NUP93: variants seen among roughly 807,000 people sequenced by gnomAD.
NUP93 encodes the protein nuclear pore complex protein Nup93.
In NUP93, 55 loss-of-function variants were observed where a neutral mutation model predicts 107.8. The ratio of observed to expected loss-of-function variants is 0.51; its 90% CI spans 0.41 to 0.64. The LOEUF (loss-of-function observed/expected upper bound fraction) is 0.64. NUP93 is among the 30% of genes least tolerant of loss of function. NUP93 has a pLI of 0.00. For synonymous variants in NUP93, 390 were observed against 397.5 expected (o/e 0.98, Z 0.22); for missense variants, 937 against 1,044.7 (o/e 0.90, Z 1.42).
At chr16:56,842,012 T>C (rs1170652273) in intron 21 of NUP93, among the ~76,000 whole-genome samples, 179 bp downstream of exon 21, 2 of 152,222 alleles carry the variant, frequency 1.3e-5, no homozygotes, top group Non-Finnish European at 2.9e-5. Context: ...GGATTGCTGC[T>C]CTTCTCAAGC....
chr16:56,820,093 T>G (rs546565705), intron 6 of NUP93, among the ~76,000 whole-genome samples: 3 of 152,308 alleles, frequency 2.0e-5, no homozygotes, highest in African/African-American at 7.2e-5. Flanking sequence ...AGAGAGACTA[T>G]GTGTCTTCTA....
Position 56,785,359 on chromosome 16 carries a change from T to G in NUP93, c.298-13117T>G, listed in dbSNP as rs145344152. ...GGAGAGACCCAGTTTCTTCCTGCTTTCTTTGCCTCCACCATGGTCTACTCA... is the reference window on the plus strand; with the variant it reads ...GGAGAGACCCAGTTTCTTCCTGCTTGCTTTGCCTCCACCATGGTCTACTCA... On this transcript the variant is annotated intron_variant, in intron 3 of 21. Coordinates refer to ENST00000308159, the MANE Select transcript of NUP93 (RefSeq NM_014669.5). Among the ~76,000 whole-genome samples the G allele has an allele frequency of 2.2e-3, 342 of 152,226 alleles. 3 individuals carry two copies. Among genetic ancestry groups the G allele is most frequent in the Admixed American group, 0.019 (285 of 15,286 alleles).
At chr16:56,760,320 G>A (rs1962100479) in intron 3 of NUP93, among the ~76,000 whole-genome samples, 1 of 152,142 alleles carries the variant, frequency 6.6e-6, no homozygotes, top group Non-Finnish European at 1.5e-5. Context: ...TTGAGCCTAG[G>A]AGTTCAAGAC....
At chr16:56,794,783 C>T (rs1962853802) in intron 3 of NUP93, among the ~76,000 whole-genome samples, 1 of 151,802 alleles carries the variant, frequency 6.6e-6, no homozygotes, top group Non-Finnish European at 1.5e-5. Flanking sequence ...AAAAAATTAG[C>T]TGGGCGTGGT....
intron 1 of NUP93, among the ~76,000 whole-genome samples, chr16:56,745,457 A>G (rs2144450956): frequency 6.6e-6 from 1 of 152,308 alleles, no homozygotes; most frequent in African/African-American, 2.4e-5. Context: ...CTGGGTTGCT[A>G]TAGACTGAAT....
At chr16:56,835,161 ACCT>A in intron 16 of NUP93, among the ~76,000 whole-genome samples, 1 of 152,260 alleles carries the variant, frequency 6.6e-6, no homozygotes, top group South Asian at 2.1e-4. Flanking sequence ...CATGCACTTG[ACCT>A]CCTTCAAAAT....
At chr16:56,756,496 G>A (rs1962026617) in intron 2 of NUP93, among the ~76,000 whole-genome samples, 1 of 152,038 alleles carries the variant, frequency 6.6e-6, no homozygotes, top group African/African-American at 2.4e-5. Flanking sequence ...TGGCTGCGTG[G>A]TATTCCATGG....
intron 3 of NUP93, among the ~76,000 whole-genome samples, chr16:56,763,582 T>G (rs1289830708): frequency 3.3e-5 from 5 of 151,998 alleles, no homozygotes; most frequent in Admixed American, 3.3e-4. Context: ...ATAACATATC[T>G]TTGCTCACTG....
intron 20 of NUP93, 46 bp downstream of exon 20, chr16:56,839,650 C>A: frequency 7.0e-7 from 1 of 1,428,938 alleles, no homozygotes; most frequent in Non-Finnish European, 9.9e-7. Context: ...TTCCCCACTT[C>A]CACCAAAAGC....
intron 5 of NUP93, 52 bp from the exon 6 acceptor site, chr16:56,818,612 C>G (rs375438579): frequency 7.3e-7 from 1 of 1,374,202 alleles, no homozygotes; most frequent in Non-Finnish European, 1.0e-6. Flanking sequence ...TTGATTTCTT[C>G]ACATGACTGA....
chr16:56,819,153 A>G (rs1480808156), intron 6 of NUP93, among the ~76,000 whole-genome samples: 1 of 152,230 alleles, frequency 6.6e-6, no homozygotes, highest in Non-Finnish European at 1.5e-5. Context: ...TAATAAGCAT[A>G]GTGTATTCAC....
intron 3 of NUP93, among the ~76,000 whole-genome samples, chr16:56,781,288 A>G (rs1865833): frequency 0.12 from 18,342 of 152,220 alleles, 1,416 homozygotes; most frequent in Non-Finnish European, 0.18. Context: ...TTTCAAAGCT[A>G]TAATTAATCT....
At chr16:56,761,561 A>ATT (rs5817074) in intron 3 of NUP93, among the ~76,000 whole-genome samples, 19,053 of 150,148 alleles carry the variant, frequency 0.13, 1,439 homozygotes, top group Non-Finnish European at 0.18. Flanking sequence ...CAATCAATGC[A>ATT]TTTTTTTTTT....
chr16:56,798,223 G>A (rs1006454491), intron 3 of NUP93, among the ~76,000 whole-genome samples: 13 of 152,170 alleles, frequency 8.5e-5, no homozygotes, highest in Admixed American at 8.5e-4. Flanking sequence ...CTTTTTACAT[G>A]TTTATGGGAT....
chr16:56,730,370 CG>C (rs1308612333), intron 1 of NUP93, among the ~76,000 whole-genome samples, 159 bp downstream of exon 1: 1 of 152,222 alleles, frequency 6.6e-6, no homozygotes, highest in Non-Finnish European at 1.5e-5. Flanking sequence ...GGCGACACAA[CG>C]CCTTGTCGAG....
intron 3 of NUP93, among the ~76,000 whole-genome samples, chr16:56,778,054 A>C (rs2144514150): frequency 6.6e-6 from 1 of 152,306 alleles, no homozygotes. Context: ...TATAGAGCCA[A>C]CACCGACATT....
chr16:56,786,223 C>T (rs1962624536), intron 3 of NUP93, among the ~76,000 whole-genome samples: 1 of 152,158 alleles, frequency 6.6e-6, no homozygotes, highest in Admixed American at 6.5e-5. Flanking sequence ...TGATTTCTCA[C>T]CTGTTCCCAC....
At chr16:56,825,977 A>G (rs563680640) in intron 8 of NUP93, among the ~76,000 whole-genome samples, 4 of 152,288 alleles carry the variant, frequency 2.6e-5, no homozygotes, top group African/African-American at 9.6e-5. Flanking sequence ...GGCCCAAATA[A>G]TTTTTCAATT....
At chr16:56,822,195 T>G (rs1466660166) in intron 7 of NUP93, among the ~76,000 whole-genome samples, 1 of 150,666 alleles carries the variant, frequency 6.6e-6, no homozygotes, top group Non-Finnish European at 1.5e-5. Context: ...CAAGCACCCA[T>G]ACACAGATTT....
Sources: gnomAD v4.1 joint callset for allele counts (sites outside exome capture counted in the v4.1 genomes callset) on GRCh38, gnomAD v4.1.1 for gene constraint, MANE v1.5 for transcripts, NCBI Gene and HGNC (gene_info 2026-07-23, HGNC 2026-07-21) for gene names.